Variants in TEAD4 observed in about 807,000 individuals in gnomAD.
TEAD4 encodes the protein TEA domain transcription factor 4.
In TEAD4, 36 loss-of-function variants were observed where a neutral mutation model predicts 52.4. The ratio of observed to expected loss-of-function variants is 0.69; its 90% CI spans 0.53 to 0.91. The LOEUF (loss-of-function observed/expected upper bound fraction) is 0.91, where lower values mean the gene tolerates loss of function less well. Ranked by LOEUF, TEAD4 falls within the 40% of genes least tolerant of loss-of-function variation. The pLI is 0.00. For missense variants in TEAD4, 508 were observed against 583.9 expected, an observed-to-expected ratio of 0.87 and a Z score of 1.34; for synonymous variants, 220 against 231.0, an observed-to-expected ratio of 0.95 and a Z score of 0.43.
In TEAD4 at chr12:3,017,469, G is replaced by A. The variant is rs781610040; in HGVS notation, c.426G>A (p.Thr142=). The change falls in exon 6 of 13, where the codon ACG becomes ACA. Residue 142 remains threonine (T), a synonymous_variant. Coordinates refer to ENST00000359864, the MANE Select transcript of TEAD4 (RefSeq NM_003213.4). ...CGTCTGCACAGATCATCTCCGCCAC[G>A]GCCTTCCACAGTAGCATGGCCCTCG... The A allele has an allele frequency of 1.1e-5, 17 of 1,614,058 alleles. No homozygotes were observed. The highest frequency in any genetic ancestry group is 5.5e-5 in the South Asian group (5 of 91,090).
chr12:2,991,766 C>T (rs1408124360), intron 2 of TEAD4, among the ~76,000 whole-genome samples: 1 of 146,802 alleles, frequency 6.8e-6, no homozygotes, highest in East Asian at 2.3e-4. Flanking sequence ...AGTTTATTCC[C>T]GAAAAAGCGA....
At chr12:2,996,611 T>C (rs560918030) in intron 3 of TEAD4, among the ~76,000 whole-genome samples, 1 of 152,142 alleles carries the variant, frequency 6.6e-6, no homozygotes, top group Non-Finnish European at 1.5e-5. Context: ...GGTTTTTCCA[T>C]GTTGGTCAGG....
At chr12:3,032,023 C>T (rs2153958236) in intron 10 of TEAD4, among the ~76,000 whole-genome samples, 1 of 152,322 alleles carries the variant, frequency 6.6e-6, no homozygotes, top group South Asian at 2.1e-4. Context: ...GGAGAGCAGA[C>T]TTAGCTCTGT....
chr12:3,010,016 C>T (rs775914699), intron 3 of TEAD4, among the ~76,000 whole-genome samples: 6 of 152,318 alleles, frequency 3.9e-5, no homozygotes, highest in Admixed American at 6.5e-5. Context: ...CTCCCGGTTC[C>T]GCAGCACAGG....
At chr12:3,022,651 G>T (rs1401922318) in intron 10 of TEAD4, among the ~76,000 whole-genome samples, 1 of 152,204 alleles carries the variant, frequency 6.6e-6, no homozygotes, top group Non-Finnish European at 1.5e-5. Flanking sequence ...GAAACGTCTT[G>T]TCTGAGGCCG....
At chr12:2,985,558 T>C (rs1187493364) in intron 2 of TEAD4, among the ~76,000 whole-genome samples, 2 of 131,096 alleles carry the variant, frequency 1.5e-5, no homozygotes, top group South Asian at 2.7e-4. Context: ...CAGGCTGGAG[T>C]GTAGTGGCAC....
chr12:2,963,292 C>T (rs2098217399), intron 2 of TEAD4, among the ~76,000 whole-genome samples: 1 of 152,258 alleles, frequency 6.6e-6, no homozygotes, highest in South Asian at 2.1e-4. Context: ...GCTCCTCCTT[C>T]TCCTTCCCAG....
chr12:3,004,308 C>T (rs1030589189), intron 3 of TEAD4, among the ~76,000 whole-genome samples: 1 of 152,216 alleles, frequency 6.6e-6, no homozygotes, highest in Non-Finnish European at 1.5e-5. Context: ...TCTCGAAGCA[C>T]TGGGGCAGCC....
At chr12:2,975,167 C>G (rs577206409) in intron 2 of TEAD4, among the ~76,000 whole-genome samples, 6 of 69,694 alleles carry the variant, frequency 8.6e-5, no homozygotes, top group African/African-American at 2.6e-4. Context: ...GTCTCTCAAC[C>G]CTTAAAACAA....
intron 7 of TEAD4, among the ~76,000 whole-genome samples, chr12:3,018,870 C>T (rs1222821207): frequency 6.6e-6 from 1 of 152,088 alleles, no homozygotes; most frequent in Non-Finnish European, 1.5e-5. Flanking sequence ...GGCTGGGAAG[C>T]AGACCTCTGG....
chr12:2,974,750 G>T (rs2098228081), intron 2 of TEAD4, among the ~76,000 whole-genome samples: 1 of 152,126 alleles, frequency 6.6e-6, no homozygotes, highest in Non-Finnish European at 1.5e-5. Flanking sequence ...CACCCCAGAT[G>T]CCCGTGCTGC....
chr12:2,976,032 G>A (rs1233637829), intron 2 of TEAD4, among the ~76,000 whole-genome samples: 1 of 146,510 alleles, frequency 6.8e-6, no homozygotes, highest in Non-Finnish European at 1.5e-5. Context: ...TTGAGACAAA[G>A]TCTTGCTCTG....
chr12:3,025,295 A>G (rs1226751516), intron 10 of TEAD4, among the ~76,000 whole-genome samples: 1 of 152,138 alleles, frequency 6.6e-6, no homozygotes, highest in African/African-American at 2.4e-5. Flanking sequence ...AGCCTCCCCT[A>G]TATTGATACA....
At chr12:3,007,461 T>A (rs547715788) in intron 3 of TEAD4, among the ~76,000 whole-genome samples, 21 of 152,322 alleles carry the variant, frequency 1.4e-4, no homozygotes, top group African/African-American at 3.8e-4. Context: ...CTCTGGCAAA[T>A]AGGTATAATT....
chr12:2,972,016 T>G (rs182593071), intron 2 of TEAD4, among the ~76,000 whole-genome samples: 1 of 151,970 alleles, frequency 6.6e-6, no homozygotes, highest in African/African-American at 2.4e-5. Context: ...TTTTGCCATG[T>G]TGGTCAGGCT....
rs953055918 is a variant in TEAD4, at chr12:3,033,968, G to A, written c.898-4000G>A. Among the ~76,000 whole-genome samples the A allele has an allele frequency of 2.6e-5, 4 of 151,334 alleles. No individual in the cohort carries two copies. In the East Asian group the frequency reaches 5.8e-4, roughly 22 times the overall value. On this transcript the variant is annotated intron_variant, in intron 10 of 12. Coordinates refer to ENST00000359864, the MANE Select transcript of TEAD4 (RefSeq NM_003213.4). Reference sequence around the variant, plus strand: ...CGAGGTGCTCTGGGGCGGTTCGTCCGTGTCGCCGGCTGGTGTGTTCCGGGT... The same window carrying A: ...CGAGGTGCTCTGGGGCGGTTCGTCCATGTCGCCGGCTGGTGTGTTCCGGGT...
At chr12:3,018,714 T>A in intron 7 of TEAD4, 126 bp downstream of exon 7, 2 of 1,193,838 alleles carry the variant, frequency 1.7e-6, no homozygotes, top group Non-Finnish European at 2.4e-6. Flanking sequence ...CCTTTCAGGA[T>A]GGCTCTGAGC....
intron 5 of TEAD4, among the ~76,000 whole-genome samples, chr12:3,013,529 T>C (rs1346960513): frequency 6.6e-6 from 1 of 151,360 alleles, no homozygotes. Context: ...AGGTCAGGAG[T>C]TCAAGACCAG....
intron 3 of TEAD4, among the ~76,000 whole-genome samples, chr12:3,009,752 C>A (rs747563345): frequency 3.1e-4 from 47 of 152,358 alleles, no homozygotes; most frequent in Admixed American, 6.5e-4. Flanking sequence ...CAGACAGTGT[C>A]CCCAGACTCC....
Sources: allele counts gnomAD v4.1 joint callset (sites outside exome capture counted in the v4.1 genomes callset), GRCh38; gene constraint gnomAD v4.1.1; transcripts MANE v1.5; gene names NCBI Gene and HGNC (gene_info 2026-07-23, HGNC 2026-07-21).